The following SAMD12 variants were observed in gnomAD, a reference collection of about 807,000 sequenced individuals.
SAMD12 encodes sterile alpha motif domain containing 12, also known as sterile alpha motif domain-containing protein 12.
A neutral mutation model predicts 15.0 loss-of-function variants in SAMD12; 9 were observed. The ratio of observed to expected loss-of-function variants is 0.60; its 90% CI spans 0.36 to 1.05. The LOEUF (loss-of-function observed/expected upper bound fraction) is 1.05. Among genes scored for constraint, SAMD12 ranks in the 50% least tolerant of loss-of-function variants. The pLI, the probability that SAMD12 is intolerant of heterozygous loss-of-function variation, is 0.01. For synonymous variants in SAMD12, 86 were observed against 90.1 expected, an observed-to-expected ratio of 0.96 and a Z score of 0.25; for missense variants, 230 against 234.2, an observed-to-expected ratio of 0.98 and a Z score of 0.12.
At chr8:118,557,932 C>G (rs1563583373) in intron 2 of SAMD12, among the ~76,000 whole-genome samples, 7 of 152,004 alleles carry the variant, frequency 4.6e-5, no homozygotes. Flanking sequence ...TGAGACCAAC[C>G]TATTTTGAGT....
At chr8:118,603,453 A>G (rs943170473) in intron 1 of SAMD12, among the ~76,000 whole-genome samples, 2 of 152,254 alleles carry the variant, frequency 1.3e-5, no homozygotes, top group African/African-American at 4.8e-5. Flanking sequence ...ACTGGAAACT[A>G]GAATATATTA....
intron 2 of SAMD12, among the ~76,000 whole-genome samples, chr8:118,499,779 A>G (rs911913829): frequency 6.6e-6 from 1 of 152,200 alleles, no homozygotes; most frequent in Non-Finnish European, 1.5e-5. Flanking sequence ...AAGAGCTTCA[A>G]GGATCTCTTC....
At chr8:118,360,334 A>G (rs1253467355) in intron 4 of SAMD12, among the ~76,000 whole-genome samples, 1 of 152,214 alleles carries the variant, frequency 6.6e-6, no homozygotes, top group East Asian at 1.9e-4. Flanking sequence ...CAAGGGACCA[A>G]TCGACTCCCA....
At chr8:118,201,712 G>A (rs1216587238) in intron 4 of SAMD12, among the ~76,000 whole-genome samples, 2 of 152,194 alleles carry the variant, frequency 1.3e-5, no homozygotes, top group Non-Finnish European at 2.9e-5. Flanking sequence ...TGGAGAGTGG[G>A]ATTGCTCTGG....
chr8:118,612,893 T>A (rs1428501804), intron 1 of SAMD12, among the ~76,000 whole-genome samples: 1 of 152,192 alleles, frequency 6.6e-6, no homozygotes, highest in Non-Finnish European at 1.5e-5. Context: ...AACTATTGAA[T>A]CAGGCAACAA....
intron 2 of SAMD12, among the ~76,000 whole-genome samples, chr8:118,568,305 G>A (rs1296681682): frequency 6.6e-6 from 1 of 152,178 alleles, no homozygotes; most frequent in Admixed American, 6.5e-5. Context: ...GAGGTGGGAA[G>A]GTACCTGGTT....
In SAMD12 at chr8:118,267,695, C is replaced by T. The variant is rs911851613; in HGVS notation, c.434-69963G>A. Among the ~76,000 whole-genome samples, 13 of 143,274 alleles carry T rather than the reference C, an allele frequency of 9.1e-5. No individual in the cohort carries two copies. The East Asian group carries it at 2.8e-3, about 31-fold the overall frequency. 94.0% of individuals were successfully genotyped at this position (143,274 alleles called of 152,430 possible). The stretch of plus-strand genomic sequence containing the variant: ...TGCTATACAGTTTGCCAGCATTTCC[C>T]ATCTGTTGTGTGTGTGTGTGTGTGT... On this transcript the variant is annotated intron_variant, in intron 4 of 4. Transcript: ENST00000409003.
chr8:118,157,740 G>T, the SAMD12 span, among the ~76,000 whole-genome samples: 2 of 152,118 alleles, frequency 1.3e-5, no homozygotes, highest in South Asian at 4.1e-4. Context: ...AAAGAGAAGT[G>T]GTGGAATAAA....
intron 2 of SAMD12, among the ~76,000 whole-genome samples, chr8:118,528,499 C>A (rs965250985): frequency 1.3e-5 from 2 of 152,182 alleles, no homozygotes; most frequent in African/African-American, 4.8e-5. Flanking sequence ...GTTCTAATAT[C>A]TTCAATGATA....
At chr8:118,431,007 T>C (rs1036230815) in intron 3 of SAMD12, among the ~76,000 whole-genome samples, 7 of 152,192 alleles carry the variant, frequency 4.6e-5, no homozygotes, top group African/African-American at 1.7e-4. Context: ...TTTGAGGCCA[T>C]TTCATTTTAT....
chr8:118,272,472 T>C (rs913051403), intron 4 of SAMD12, among the ~76,000 whole-genome samples: 1 of 152,192 alleles, frequency 6.6e-6, no homozygotes, highest in Non-Finnish European at 1.5e-5. Flanking sequence ...ATATTACCCA[T>C]TGTCTGGGTG....
chr8:118,528,892 T>C (rs1264109709), intron 2 of SAMD12, among the ~76,000 whole-genome samples: 2 of 152,162 alleles, frequency 1.3e-5, no homozygotes, highest in African/African-American at 4.8e-5. Context: ...TTTAGGTGCT[T>C]GCACTGCCTC....
intron 2 of SAMD12, among the ~76,000 whole-genome samples, chr8:118,514,836 G>C (rs185670900): frequency 5.3e-5 from 8 of 152,324 alleles, no homozygotes; most frequent in Admixed American, 5.2e-4. Context: ...GGACGGGTTA[G>C]TTGCTGACAT....
chr8:118,555,737 T>C (rs995392101), intron 2 of SAMD12, among the ~76,000 whole-genome samples: 1 of 152,236 alleles, frequency 6.6e-6, no homozygotes, highest in Non-Finnish European at 1.5e-5. Context: ...GCAGACCAGC[T>C]CCTGGCTCTG....
At chr8:118,225,567 A>G in intron 4 of SAMD12, among the ~76,000 whole-genome samples, 1 of 152,160 alleles carries the variant, frequency 6.6e-6, no homozygotes, top group Non-Finnish European at 1.5e-5. Context: ...AATAGGGTTA[A>G]TGGGCCAGAA....
rs75850909 is a variant in SAMD12, at chr8:118,362,273, G to T, written c.433+17287C>A. Among the ~76,000 whole-genome samples, 12 of 152,218 alleles carry T rather than the reference G, an allele frequency of 7.9e-5. No homozygotes were observed. In the East Asian group the frequency reaches 2.3e-3, roughly 29 times the overall value. ...ATCCTGATAGACCAAAATTATTATA[G>T]TAAAACTCTTTCCGTAACAAAACAA... On this transcript the variant is annotated intron_variant, in intron 4 of 4. Transcript: ENST00000409003.
chr8:118,564,236 C>T (rs749878691), intron 2 of SAMD12, among the ~76,000 whole-genome samples: 1 of 143,662 alleles, frequency 7.0e-6, no homozygotes, highest in Non-Finnish European at 1.5e-5. Context: ...CACACACATA[C>T]ACTAATGGCG....
At chr8:118,234,353 T>C (rs770915253) in intron 4 of SAMD12, among the ~76,000 whole-genome samples, 29 of 152,114 alleles carry the variant, frequency 1.9e-4, no homozygotes, top group Admixed American at 5.9e-4. Context: ...AAATTACACA[T>C]ACTGATTTGG....
At chr8:118,308,590 C>T (rs1815462746) in intron 4 of SAMD12, among the ~76,000 whole-genome samples, 1 of 152,136 alleles carries the variant, frequency 6.6e-6, no homozygotes. Flanking sequence ...AATATTTTCC[C>T]AGCTAAATGT....
Sources: gnomAD v4.1 joint callset for allele counts (sites outside exome capture counted in the v4.1 genomes callset) on GRCh38, gnomAD v4.1.1 for gene constraint, MANE v1.5 for transcripts, NCBI Gene and HGNC (gene_info 2026-07-23, HGNC 2026-07-21) for gene names.